GRID1: variants seen among roughly 807,000 people sequenced by gnomAD.
The protein encoded by GRID1 is glutamate receptor ionotropic, delta-1.
A neutral mutation model predicts 98.0 loss-of-function variants in GRID1; 28 were observed. That is an observed-to-expected ratio of 0.29 (90% confidence interval 0.21 to 0.39). The LOEUF is 0.39. Ranked by LOEUF, GRID1 falls within the 10% of genes least tolerant of loss-of-function variation. The pLI is 1.00. For missense variants in GRID1, 1,111 were observed against 1,340.5 expected (o/e 0.83, Z 2.67); for synonymous variants, 553 against 538.5 (o/e 1.03, Z -0.37).
chr10:85,771,707 T>G (rs934784027), intron 8 of GRID1, among the ~76,000 whole-genome samples: 1 of 152,006 alleles, frequency 6.6e-6, no homozygotes, highest in African/African-American at 2.4e-5. Flanking sequence ...AACCAGCAAA[T>G]ATCAAAAGAG....
At chr10:86,041,158 C>T (rs1843339682) in intron 4 of GRID1, among the ~76,000 whole-genome samples, 1 of 152,200 alleles carries the variant, frequency 6.6e-6, no homozygotes, top group Admixed American at 6.5e-5. Context: ...TTCATCCACA[C>T]GGAGACCTCC....
intron 2 of GRID1, among the ~76,000 whole-genome samples, chr10:86,340,367 C>G (rs1848293395): frequency 6.6e-6 from 1 of 152,206 alleles, no homozygotes; most frequent in Non-Finnish European, 1.5e-5. Flanking sequence ...TGTGTTGACA[C>G]AGGCCTAATG....
At chr10:86,255,995 G>A (rs905827071) in intron 2 of GRID1, among the ~76,000 whole-genome samples, 2 of 152,190 alleles carry the variant, frequency 1.3e-5, no homozygotes, top group South Asian at 2.1e-4. Flanking sequence ...AGGGTCATTC[G>A]GATCACAGCC....
At chr10:86,304,736 A>T (rs559302793) in intron 2 of GRID1, among the ~76,000 whole-genome samples, 4 of 152,344 alleles carry the variant, frequency 2.6e-5, no homozygotes, top group South Asian at 4.1e-4. Context: ...AGATGGAAAA[A>T]TGAAGGCTTC....
rs1845497435 is a variant in GRID1, at chr10:86,172,119, A to T, written c.521-33095T>A. ...TTTCAGAACTTTCCCATCAACTCAA[A>T]AAAGGAACCTCATTACCATCAGCAA... On this transcript the variant is annotated intron_variant, in intron 3 of 15. Coordinates refer to ENST00000327946, the MANE Select transcript of GRID1 (RefSeq NM_017551.3). Among the ~76,000 whole-genome samples, 2 of 152,106 alleles carry T rather than the reference A, an allele frequency of 1.3e-5. 1 individual carries two copies. Among genetic ancestry groups the T allele is most frequent in the South Asian group, 4.2e-4 (2 of 4,804 alleles).
intron 14 of GRID1, among the ~76,000 whole-genome samples, chr10:85,617,970 C>T (rs1842811230): frequency 6.6e-6 from 1 of 152,180 alleles, no homozygotes; most frequent in South Asian, 2.1e-4. Context: ...ACTCCTTCTG[C>T]CCCCAGCAAG....
intron 3 of GRID1, among the ~76,000 whole-genome samples, chr10:86,174,227 C>T (rs536860314): frequency 8.5e-5 from 13 of 152,160 alleles, no homozygotes; most frequent in South Asian, 4.2e-4. Flanking sequence ...CATCACGCTA[C>T]CTGACTTCAA....
At chr10:86,071,496 A>C (rs1843804095) in intron 4 of GRID1, among the ~76,000 whole-genome samples, 2 of 152,242 alleles carry the variant, frequency 1.3e-5, no homozygotes, top group East Asian at 1.9e-4. Flanking sequence ...CTCAGCAAAT[A>C]ATAACTCAGA....
intron 4 of GRID1, among the ~76,000 whole-genome samples, chr10:85,981,760 G>C (rs945184413): frequency 6.6e-6 from 1 of 152,132 alleles, no homozygotes; most frequent in Non-Finnish European, 1.5e-5. Flanking sequence ...GCTGTTGCAG[G>C]CATGGAGAAT....
In GRID1 at chr10:85,916,156, C is replaced by A; in HGVS notation, c.780+30G>T. ...CAAGGGGCTAGGGGCTCAGTCCAGG[C>A]CGTGCTCATCACATTTCTAGAGCCC... On this transcript the variant is annotated intron_variant, in intron 5 of 15. Transcript: ENST00000327946. This position sits in a 1 kb window ranked among gnomAD's most constrained non-coding sequence, Gnocchi z 4.0. 1 of 1,558,158 alleles carries A rather than the reference C, an allele frequency of 6.4e-7. No individual in the cohort carries two copies. Among genetic ancestry groups the A allele is most frequent in the Non-Finnish European group, 8.9e-7 (1 of 1,129,202 alleles).
intron 5 of GRID1, among the ~76,000 whole-genome samples, chr10:85,885,826 T>G (rs1284824253): frequency 6.6e-6 from 1 of 152,212 alleles, no homozygotes; most frequent in African/African-American, 2.4e-5. Flanking sequence ...TACAGAGTGA[T>G]AAATAAATAC....
At chr10:85,700,148 T>A (rs1564563733) in intron 12 of GRID1, among the ~76,000 whole-genome samples, 1 of 152,202 alleles carries the variant, frequency 6.6e-6, no homozygotes, top group African/African-American at 2.4e-5. Context: ...AATGATAATA[T>A]CTAGCAGATG....
rs568949660 is a variant in GRID1 at position 85,960,943 on chromosome 10, C to T, written c.727-44704G>A. ...CTGCAGACCCTGCTATTAACCCTGG[C>T]CTTCACCCTGAGGACTCACAGAGAG... On this transcript the variant is annotated intron_variant, in intron 4 of 15. Transcript: ENST00000327946. Among the ~76,000 whole-genome samples, 3 of 152,020 alleles carry T rather than the reference C, an allele frequency of 2.0e-5. No homozygotes were observed. In the East Asian group the frequency reaches 5.8e-4, roughly 30 times the overall value.
chr10:85,875,820 C>A (rs766479371), intron 5 of GRID1, among the ~76,000 whole-genome samples: 16 of 152,228 alleles, frequency 1.1e-4, no homozygotes, highest in Admixed American at 2.6e-4. Context: ...CACATTATTT[C>A]TATTGTTTGA....
chr10:85,764,060 T>C (rs1842173946), intron 8 of GRID1, among the ~76,000 whole-genome samples: 1 of 152,092 alleles, frequency 6.6e-6, no homozygotes, highest in Admixed American at 6.6e-5. Flanking sequence ...GCCAAAGAGA[T>C]GCGTTTTCTG....
At position 86,211,396 on chromosome 10, in the gene GRID1, T is replaced by A. The variant is rs60011579; in HGVS notation, c.236-4748A>T. ...GAAAGTAAGTAAAGACAAACTGTAATGAGCGGCTTCCAGCCCCCCCACCTG... is the reference window on the plus strand; with the variant it reads ...GAAAGTAAGTAAAGACAAACTGTAAAGAGCGGCTTCCAGCCCCCCCACCTG... On this transcript the variant is annotated intron_variant, in intron 2 of 15. Transcript: ENST00000327946. Among the ~76,000 whole-genome samples, 1,355 of 152,288 alleles carry A rather than the reference T, an allele frequency of 8.9e-3. 23 individuals carry two copies. Among genetic ancestry groups the A allele is most frequent in the African/African-American group, 0.032 (1,310 of 41,544 alleles).
chr10:85,724,542 G>A lies in GRID1; in HGVS notation c.1668C>T (p.Ser556=), dbSNP rs146184813. Residue 556 remains serine, a synonymous_variant, in exon 11 of 16, where the codon TCC becomes TCT. Coordinates refer to ENST00000327946, the MANE Select transcript of GRID1 (RefSeq NM_017551.3). Reference sequence around the variant, plus strand: ...CAGCGAAATCAAATGGAGCAAAGAGGGAGAAGATGCTGATTTTCTCCTCGG... The same window carrying A: ...CAGCGAAATCAAATGGAGCAAAGAGAGAGAAGATGCTGATTTTCTCCTCGG... ...KKPEEKISIF[S]LFAPFDFAVW... 2 of 1,613,806 alleles carry A rather than the reference G, an allele frequency of 1.2e-6. No individual in the cohort carries two copies. The highest frequency in any genetic ancestry group is 2.2e-5 in the South Asian group (2 of 91,070).
intron 15 of GRID1, chr10:85,613,185 A>C: frequency 1.2e-5 from 7 of 581,064 alleles, no homozygotes; most frequent in South Asian, 2.1e-5. Flanking sequence ...TAAGGCTGGT[A>C]CTGCAGCACT....
rs565313903 is a variant in GRID1 at position 86,181,131 on chromosome 10, C to T, written c.520+25233G>A. Among the ~76,000 whole-genome samples the T allele has an allele frequency of 1.2e-4, 18 of 152,098 alleles. No homozygotes were observed. The East Asian group carries it at 2.9e-3, about 25-fold the overall frequency. ...TGCAGAGCAACCCCCAGTACAGGTG[C>T]CAGGAGCAGGGCACGTTCCCTGGTA... On this transcript the variant is annotated intron_variant, in intron 3 of 15. Coordinates refer to ENST00000327946, the MANE Select transcript of GRID1 (RefSeq NM_017551.3).
Sources: gnomAD v4.1 joint callset for allele counts (sites outside exome capture counted in the v4.1 genomes callset) on GRCh38, gnomAD v4.1.1 for gene constraint, Gnocchi (gnomAD v3.1) non-coding constraint, MANE v1.5 for transcripts, NCBI Gene and HGNC (gene_info 2026-07-23, HGNC 2026-07-21) for gene names.